KCNIP2: variants seen among roughly 807,000 people sequenced by gnomAD.
The protein encoded by KCNIP2 is A-type potassium channel modulatory protein KCNIP2.
KCNIP2 carries 19 observed loss-of-function variants against 39.0 expected under a neutral mutation model. The observed-to-expected ratio is 0.49, with a 90% CI of 0.34 to 0.71. The LOEUF is 0.71. Ranked by LOEUF, KCNIP2 falls within the 30% of genes least tolerant of loss-of-function variation. KCNIP2 has a pLI of 0.01. For synonymous variants in KCNIP2, 111 were observed against 131.2 expected (o/e 0.85, Z 1.05); for missense variants, 261 against 346.0 (o/e 0.75, Z 1.95).
chr10:101,831,139 C>T lies in KCNIP2; in HGVS notation c.102G>A (p.Ala34=). Residue 34 remains alanine, a synonymous_variant, in exon 2 of 10, where the codon GCG becomes GCA. Coordinates refer to ENST00000356640, the MANE Select transcript of KCNIP2 (RefSeq NM_173191.3). The stretch of plus-strand genomic sequence containing the variant: ...GCAGCTTGAGGAATCGCTGCTTCAG[C>T]GCTTTTTTAGTGGGCCCTGGAGGGT... ...TGHPPGPTKK[A]LKQRFLKLLP... The T allele has an allele frequency of 2.5e-6, 4 of 1,611,324 alleles. No individual in the cohort carries two copies. The highest frequency in any genetic ancestry group is 1.1e-5 in the South Asian group (1 of 90,448).
chr10:101,829,299 C>G, intron 3 of KCNIP2, 100 bp from the exon 4 acceptor site: 1 of 1,414,936 alleles, frequency 7.1e-7, no homozygotes, highest in Non-Finnish European at 9.3e-7. Flanking sequence ...CCGGTCCCAT[C>G]CGATGCCGGA....
chr10:101,829,397 G>T, intron 3 of KCNIP2, 198 bp from the exon 4 acceptor site: 1 of 667,002 alleles, frequency 1.5e-6, no homozygotes, highest in Non-Finnish European at 2.4e-6. Context: ...CTATCAGCGG[G>T]CCAAGGCCTG....
rs574786959 is a variant in KCNIP2 at position 101,838,420 on chromosome 10, A to C, written c.73+5076T>G. ...ACCTTCCCCAGTTTAGCTTTGTCCC[A>C]CCCCCCACCGCCACTGTTAACCCAG... On this transcript the variant is annotated intron_variant, in intron 1 of 9. Transcript: ENST00000356640. The surrounding 1 kb of genome is among the most constrained non-coding windows in gnomAD (Gnocchi z 4.0). Among the ~76,000 whole-genome samples, 28 of 139,318 alleles carry C rather than the reference A, an allele frequency of 2.0e-4. No homozygotes were observed. Among genetic ancestry groups the C allele is most frequent in the East Asian group, 4.3e-4 (2 of 4,692 alleles). 91.4% of individuals were successfully genotyped at this position (139,318 alleles called of 152,430 possible).
chr10:101,830,521 C>T (rs2065935458), intron 2 of KCNIP2: 1 of 1,155,170 alleles, frequency 8.7e-7, no homozygotes, highest in African/African-American at 1.6e-5. Context: ...ATGGTCACAC[C>T]CACACTCTCG....
At position 101,826,799 on chromosome 10, in the gene KCNIP2, A is replaced by C. The variant is rs1564658315; in HGVS notation, c.*554T>G. 1 of 152,412 alleles carries C rather than the reference A, an allele frequency of 6.6e-6. No individual in the cohort carries two copies. Among genetic ancestry groups the C allele is most frequent in the Non-Finnish European group, 1.5e-5 (1 of 68,162 alleles). The allele number at this position is 152,412 out of a possible 1,614,324, so 9.4% of individuals were successfully genotyped here. A position where few individuals can be genotyped will look rare whatever the true frequency, so the allele number is the denominator to read the frequency against. On this transcript the variant is annotated 3_prime_UTR_variant, in exon 10 of 10. Transcript: ENST00000356640. ...TATAACCTGGTATGCCTGAGCAATCATAATCTGTCCAGGCCCTTCTATTCT... is the reference window on the plus strand; with the variant it reads ...TATAACCTGGTATGCCTGAGCAATCCTAATCTGTCCAGGCCCTTCTATTCT...
rs1362256811 is a variant in KCNIP2 at position 101,828,859 on chromosome 10, T to C, written c.349-163A>G. On this transcript the variant is annotated intron_variant, in intron 4 of 9. Coordinates refer to ENST00000356640, the MANE Select transcript of KCNIP2 (RefSeq NM_173191.3). This position sits in a 1 kb window ranked among gnomAD's most constrained non-coding sequence, Gnocchi z 6.6. ...ATGGGAGGGAAGACTTCTTTCCCAG[T>C]GCACAAATAAAAAACATGGAACGAA... The C allele has an allele frequency of 6.4e-7, 1 of 1,554,058 alleles. No homozygotes were observed. Among genetic ancestry groups the C allele is most frequent in the Non-Finnish European group, 8.7e-7 (1 of 1,148,864 alleles).
chr10:101,839,280 G>T (rs1002822868), intron 1 of KCNIP2, among the ~76,000 whole-genome samples: 3 of 152,226 alleles, frequency 2.0e-5, no homozygotes, highest in Non-Finnish European at 4.4e-5. Context: ...TGTCATGTAT[G>T]AACTTGCTAG....
At chr10:101,840,063 G>GA (rs934634816) in intron 1 of KCNIP2, among the ~76,000 whole-genome samples, 1 of 151,712 alleles carries the variant, frequency 6.6e-6, no homozygotes, top group Non-Finnish European at 1.5e-5. Context: ...TGGACGGGGG[G>GA]GGGGGGTGGC....
Position 101,828,228 on chromosome 10 carries a change from G to A in KCNIP2, c.520C>T (p.Arg174Trp), listed in dbSNP as rs1398216871. Reference sequence around the variant, plus strand: ...TTAAGCCTGTCATCTACAGTTCCCCGAAGAATCACGGACAAACCAGCCACA... The same window carrying A: ...TTAAGCCTGTCATCTACAGTTCCCCAAAGAATCACGGACAAACCAGCCACA... The part of the protein sequence containing the change: ...DFVAGLSVIL[R>W]GTVDDRLNWA... The change falls in exon 7 of 10, where the codon CGG (arginine) becomes TGG (tryptophan). Residue 174 changes from arginine (R) to tryptophan (W), a missense_variant. Coordinates refer to ENST00000356640, the MANE Select transcript of KCNIP2 (RefSeq NM_173191.3). The surrounding 1 kb of genome is among the most constrained non-coding windows in gnomAD (Gnocchi z 6.6). 10 of 1,614,092 alleles carry A rather than the reference G, an allele frequency of 6.2e-6. No individual in the cohort carries two copies. The highest frequency in any genetic ancestry group is 4.5e-5 in the East Asian group (2 of 44,870).
intron 1 of KCNIP2, chr10:101,839,944 G>T: frequency 1.8e-6 from 2 of 1,097,634 alleles, no homozygotes; most frequent in Non-Finnish European, 2.5e-6. Context: ...CGGGAGGGCC[G>T]GCCCGGCAGG....
At chr10:101,832,334 G>GTA (rs1418334859) in intron 1 of KCNIP2, among the ~76,000 whole-genome samples, 2 of 140,464 alleles carry the variant, frequency 1.4e-5, no homozygotes, top group African/African-American at 5.2e-5. Flanking sequence ...GTGTGTGTGT[G>GTA]TGTGTGTCTG....
rs2065771580 is a variant in KCNIP2 at position 101,827,234 on chromosome 10, C to T, written c.*119G>A. 7 of 1,390,070 alleles carry T rather than the reference C, an allele frequency of 5.0e-6. No homozygotes were observed. The highest frequency in any genetic ancestry group is 2.8e-5 in the African/African-American group (2 of 70,190). 86.1% of individuals were successfully genotyped at this position (1,390,070 alleles called of 1,614,324 possible). A position where few individuals can be genotyped will look rare whatever the true frequency, so the allele number is the denominator to read the frequency against. Reference sequence around the variant, plus strand: ...TACTGAATCCCCAAGCTCTTGGATCCCTCCAGCCCCCAGGGAGGCGTAGGA... The same window carrying T: ...TACTGAATCCCCAAGCTCTTGGATCTCTCCAGCCCCCAGGGAGGCGTAGGA... On this transcript the variant is annotated 3_prime_UTR_variant, in exon 10 of 10. Transcript: ENST00000356640.
At chr10:101,832,932 G>T (rs1279498008) in intron 1 of KCNIP2, among the ~76,000 whole-genome samples, 1 of 152,172 alleles carries the variant, frequency 6.6e-6, no homozygotes, top group African/African-American at 2.4e-5. Flanking sequence ...TTTCCAGATT[G>T]AATGAGAACA....
chr10:101,837,103 C>A (rs930777917), intron 1 of KCNIP2, among the ~76,000 whole-genome samples: 1 of 152,018 alleles, frequency 6.6e-6, no homozygotes, highest in African/African-American at 2.4e-5. Flanking sequence ...AAAGTGAGAC[C>A]CCATCTCAAA....
chr10:101,831,240 A>C, intron 1 of KCNIP2, 73 bp from the exon 2 acceptor site: 1 of 1,170,094 alleles, frequency 8.5e-7, no homozygotes, highest in Non-Finnish European at 1.2e-6. Flanking sequence ...CCTCCCCGCC[A>C]GTCACAAATC....
rs765786245 is a variant in KCNIP2 at position 101,828,226 on chromosome 10, C to T, written c.522G>A (p.Arg174=). ...AATTAAGCCTGTCATCTACAGTTCC[C>T]CGAAGAATCACGGACAAACCAGCCA... ...DFVAGLSVIL[R]GTVDDRLNWA... The change falls in exon 7 of 10, where the codon CGG becomes CGA. Residue 174 remains arginine (R), a synonymous_variant. Transcript: ENST00000356640. The surrounding 1 kb of genome is among the most constrained non-coding windows in gnomAD (Gnocchi z 6.6). 3.7e-6 allele frequency: 6 copies of T among 1,614,096 alleles called. No individual in the cohort carries two copies. In the South Asian group the frequency reaches 4.4e-5, roughly 12 times the overall value.
At chr10:101,829,788 C>A (rs1387144545) in intron 3 of KCNIP2, 56 bp downstream of exon 3, 16 of 966,368 alleles carry the variant, frequency 1.7e-5, no homozygotes, top group Non-Finnish European at 2.2e-5. Context: ...TGCCCCCCAC[C>A]CCAAGATGGC....
chr10:101,834,077 G>A (rs988963292), intron 1 of KCNIP2, among the ~76,000 whole-genome samples: 1 of 150,178 alleles, frequency 6.7e-6, no homozygotes, highest in Admixed American at 6.6e-5. Context: ...TCTACTCCTT[G>A]AGGCCTCCTC....
intron 2 of KCNIP2, chr10:101,830,423 C>T: frequency 7.7e-7 from 1 of 1,294,316 alleles, no homozygotes; most frequent in Non-Finnish European, 1.0e-6. Flanking sequence ...AAGACACTAA[C>T]CCAGCTAAGC....
Sources: allele counts gnomAD v4.1 joint callset (sites outside exome capture counted in the v4.1 genomes callset), GRCh38; gene constraint gnomAD v4.1.1; non-coding constraint Gnocchi (gnomAD v3.1); transcripts MANE v1.5; gene names NCBI Gene and HGNC (gene_info 2026-07-23, HGNC 2026-07-21).